Variants in XYLT1 observed in about 807,000 individuals in gnomAD.
XYLT1 encodes xylosyltransferase 1.
A neutral mutation model predicts 91.3 loss-of-function variants in XYLT1; 36 were observed. The ratio of observed to expected loss-of-function variants is 0.39; its 90% CI spans 0.30 to 0.52. The LOEUF is 0.52. XYLT1 is among the 20% of genes least tolerant of loss of function. XYLT1 has a pLI of 0.68. For missense variants in XYLT1, 1,242 were observed against 1,284.5 expected (o/e 0.97, Z 0.51); for synonymous variants, 588 against 532.0 (o/e 1.11, Z -1.45).
At chr16:17,362,383 G>T (rs1051815916) in intron 1 of XYLT1, among the ~76,000 whole-genome samples, 1 of 152,160 alleles carries the variant, frequency 6.6e-6, no homozygotes, top group Non-Finnish European at 1.5e-5. Flanking sequence ...CAATCCACAC[G>T]TGTTTACTAA....
chr16:17,404,964 C>T (rs2036012469), intron 1 of XYLT1, among the ~76,000 whole-genome samples: 1 of 152,182 alleles, frequency 6.6e-6, no homozygotes, highest in Non-Finnish European at 1.5e-5. Flanking sequence ...CAGAATACAA[C>T]ATACACTTGT....
intron 2 of XYLT1, among the ~76,000 whole-genome samples, chr16:17,347,770 T>A (rs1209914455): frequency 6.6e-6 from 1 of 152,210 alleles, no homozygotes; most frequent in Non-Finnish European, 1.5e-5. Flanking sequence ...AGGAAAGAGA[T>A]GTTACTCTCC....
At chr16:17,279,021 T>A (rs62033195) in intron 2 of XYLT1, among the ~76,000 whole-genome samples, 14,053 of 152,250 alleles carry the variant, frequency 0.092, 879 homozygotes, top group Non-Finnish European at 0.15. Flanking sequence ...ACCAGGAGAA[T>A]CCTGGGTGAC....
intron 1 of XYLT1, among the ~76,000 whole-genome samples, chr16:17,360,693 G>A (rs185643920): frequency 1.3e-5 from 2 of 152,292 alleles, no homozygotes; most frequent in Admixed American, 1.3e-4. Context: ...GTGAGGTCTC[G>A]CTTTCAGCAA....
At chr16:17,316,437 C>A (rs1208785561) in intron 2 of XYLT1, among the ~76,000 whole-genome samples, 1 of 152,106 alleles carries the variant, frequency 6.6e-6, no homozygotes, top group Admixed American at 6.6e-5. Context: ...CTCTCTGTCG[C>A]CCCGGCTGGA....
At position 17,358,012 on chromosome 16, in the gene XYLT1, C is replaced by T; in HGVS notation, c.402G>A (p.Gln134=). ...HPSPLITLET[Q]DGYFSHRPKE... ...TGGCCAAGACAGGAAAGATACTTAC[C>T]TGAGTCTCCAGGGTGATGAGCGGAC... Residue 134 remains glutamine, a splice_region_variant and synonymous_variant, in exon 2 of 12, where the codon CAG becomes CAA. Transcript: ENST00000261381. The T allele has an allele frequency of 6.2e-7, 1 of 1,613,768 alleles. No individual in the cohort carries two copies. The highest frequency in any genetic ancestry group is 1.1e-5 in the South Asian group (1 of 91,002).
Position 17,138,816 on chromosome 16 carries a change from A to G in XYLT1, c.1588-285T>C, listed in dbSNP as rs149376807. ...GTCAAGGGACTCTTATGTTCTCTGC[A>G]TGCATTTGAGGTCAGCTGCCCATGT... On this transcript the variant is annotated intron_variant, in intron 7 of 11. Transcript: ENST00000261381. 2.5e-3 allele frequency: 744 copies of G among 303,132 alleles called. 5 individuals are homozygous for G. Among genetic ancestry groups the G allele is most frequent in the African/African-American group, 0.014 (682 of 48,090 alleles). The allele number at this position is 303,132 out of a possible 1,614,324, so 18.8% of individuals were successfully genotyped here.
At chr16:17,179,365 CT>C (rs1465447576) in intron 5 of XYLT1, among the ~76,000 whole-genome samples, 1 of 152,204 alleles carries the variant, frequency 6.6e-6, no homozygotes. Flanking sequence ...ACATGTACCC[CT>C]GAACCTCAAA....
At chr16:17,257,587 C>A (rs1290217464) in intron 3 of XYLT1, among the ~76,000 whole-genome samples, 1 of 152,088 alleles carries the variant, frequency 6.6e-6, no homozygotes, top group Non-Finnish European at 1.5e-5. Flanking sequence ...GGGAAGGGGG[C>A]GTGCCCTAAA....
intron 1 of XYLT1, among the ~76,000 whole-genome samples, chr16:17,426,909 T>A (rs920117777): frequency 6.6e-6 from 1 of 152,106 alleles, no homozygotes; most frequent in Non-Finnish European, 1.5e-5. Context: ...TAAGAAGGTG[T>A]CAGCCATGCA....
intron 10 of XYLT1, among the ~76,000 whole-genome samples, chr16:17,118,645 A>G (rs905222156): frequency 6.6e-6 from 1 of 152,012 alleles, no homozygotes; most frequent in Non-Finnish European, 1.5e-5. Flanking sequence ...ACCCACAGCA[A>G]TCCTCTCTGG....
intron 2 of XYLT1, among the ~76,000 whole-genome samples, chr16:17,351,246 G>T (rs11641214): frequency 0.14 from 20,967 of 152,148 alleles, 1,970 homozygotes; most frequent in Admixed American, 0.26. Context: ...CCAGGCATGT[G>T]GCTCATGCCT....
At chr16:17,349,796 A>G (rs1035435337) in intron 2 of XYLT1, among the ~76,000 whole-genome samples, 3 of 152,028 alleles carry the variant, frequency 2.0e-5, no homozygotes, top group African/African-American at 7.3e-5. Context: ...TAAAAGTGCT[A>G]AATTTATGAA....
chr16:17,163,108 C>G (rs2031593131), intron 5 of XYLT1, among the ~76,000 whole-genome samples: 1 of 152,144 alleles, frequency 6.6e-6, no homozygotes, highest in African/African-American at 2.4e-5. Context: ...TGTAAAGACC[C>G]AACCTGATTT....
intron 8 of XYLT1, among the ~76,000 whole-genome samples, chr16:17,135,104 C>T (rs1181000368): frequency 6.6e-6 from 1 of 152,152 alleles, no homozygotes; most frequent in Non-Finnish European, 1.5e-5. Context: ...ATACAGCCTG[C>T]AGATGTATTT....
intron 2 of XYLT1, among the ~76,000 whole-genome samples, chr16:17,323,561 CA>C (rs2034756068): frequency 6.6e-6 from 1 of 152,162 alleles, no homozygotes; most frequent in South Asian, 2.1e-4. Flanking sequence ...CGGTAAACAG[CA>C]AATTATTTAA....
intron 2 of XYLT1, among the ~76,000 whole-genome samples, chr16:17,318,787 A>ACT (rs1245647507): frequency 8.7e-6 from 1 of 114,866 alleles, no homozygotes; most frequent in Non-Finnish European, 1.7e-5. Context: ...GGATCTGCTT[A>ACT]CTCTTTTTTT....
chr16:17,152,777 C>G (rs894570858), intron 6 of XYLT1, among the ~76,000 whole-genome samples: 7 of 152,166 alleles, frequency 4.6e-5, no homozygotes, highest in African/African-American at 1.7e-4. Context: ...AGAAACTTCT[C>G]TATACCACTT....
At chr16:17,261,174 C>A (rs1221503714) in intron 2 of XYLT1, among the ~76,000 whole-genome samples, 3 of 139,506 alleles carry the variant, frequency 2.2e-5, no homozygotes, top group African/African-American at 8.1e-5. Flanking sequence ...ACCTGGGAGG[C>A]GGAGGTTGCA....
Sources: gnomAD v4.1 joint callset for allele counts (sites outside exome capture counted in the v4.1 genomes callset) on GRCh38, gnomAD v4.1.1 for gene constraint, MANE v1.5 for transcripts, NCBI Gene and HGNC (gene_info 2026-07-23, HGNC 2026-07-21) for gene names.